The following TENM4 variants were observed in gnomAD, a reference collection of about 807,000 sequenced individuals.
TENM4 encodes teneurin-4.
TENM4 carries 82 observed loss-of-function variants against 243.3 expected under a neutral mutation model. The ratio of observed to expected loss-of-function variants is 0.34; its 90% CI spans 0.28 to 0.40. TENM4 has a LOEUF of 0.40. Ranked by LOEUF, TENM4 falls within the 10% of genes least tolerant of loss-of-function variation. TENM4 has a pLI of 1.00. For missense variants in TENM4, 3,138 were observed against 3,673.3 expected (o/e 0.85, Z 3.77); for synonymous variants, 1,412 against 1,456.3 (o/e 0.97, Z 0.69).
chr11:79,369,659 C>G (rs1262895043), intron 1 of TENM4, among the ~76,000 whole-genome samples: 1 of 152,182 alleles, frequency 6.6e-6, no homozygotes, highest in Admixed American at 6.5e-5. Context: ...AACTCAGGCT[C>G]ATGTCACTCA....
intron 6 of TENM4, among the ~76,000 whole-genome samples, chr11:79,059,517 A>G (rs1409620011): frequency 6.6e-6 from 1 of 152,256 alleles, no homozygotes. Context: ...GACGCTTCAC[A>G]AATGCTGTAG....
chr11:79,184,798 T>C (rs2135148136), intron 3 of TENM4, among the ~76,000 whole-genome samples: 2 of 152,270 alleles, frequency 1.3e-5, no homozygotes, highest in East Asian at 3.9e-4. Context: ...GATGGACGGT[T>C]GTACAACAAT....
chr11:79,227,239 C>T (rs1864286975), intron 2 of TENM4, among the ~76,000 whole-genome samples: 1 of 152,210 alleles, frequency 6.6e-6, no homozygotes, highest in Admixed American at 6.5e-5. Flanking sequence ...GGATCTGGAA[C>T]TATCACCTCC....
At chr11:79,072,594 G>C (rs2137008256) in intron 4 of TENM4, among the ~76,000 whole-genome samples, 1 of 152,194 alleles carries the variant, frequency 6.6e-6, no homozygotes, top group South Asian at 2.1e-4. Flanking sequence ...ATTCACAAAA[G>C]TTATTGCATG....
intron 4 of TENM4, among the ~76,000 whole-genome samples, chr11:79,111,416 G>C (rs1352526405): frequency 6.6e-6 from 1 of 152,096 alleles, no homozygotes; most frequent in African/African-American, 2.4e-5. Flanking sequence ...ATGATGGCGG[G>C]CACCTGTAGT....
intron 2 of TENM4, among the ~76,000 whole-genome samples, chr11:79,292,654 T>G (rs1245287899): frequency 6.6e-6 from 1 of 152,234 alleles, no homozygotes; most frequent in Non-Finnish European, 1.5e-5. Flanking sequence ...CAGGAACACC[T>G]GCAGGAGGCC....
chr11:79,076,845 A>C (rs376455690), intron 4 of TENM4, among the ~76,000 whole-genome samples: 4 of 152,210 alleles, frequency 2.6e-5, no homozygotes, highest in East Asian at 3.9e-4. Flanking sequence ...ATTATTTCAA[A>C]TCCCTATAAT....
chr11:79,010,334 A>G (rs1051635672), intron 6 of TENM4, among the ~76,000 whole-genome samples: 1 of 152,114 alleles, frequency 6.6e-6, no homozygotes, highest in Non-Finnish European at 1.5e-5. Flanking sequence ...CAGTGTAAGT[A>G]CTCTGAGGAA....
intron 7 of TENM4, among the ~76,000 whole-genome samples, chr11:78,892,911 G>A (rs948590369): frequency 6.6e-6 from 1 of 152,184 alleles, no homozygotes; most frequent in Non-Finnish European, 1.5e-5. Context: ...GTCTCTCTCT[G>A]CACAGCTTTG....
chr11:78,713,438 AAC>A (rs1859446988), intron 25 of TENM4, among the ~76,000 whole-genome samples: 1 of 152,378 alleles, frequency 6.6e-6, no homozygotes, highest in Non-Finnish European at 1.5e-5. Context: ...AGGCTGTGCC[AAC>A]AGAGAGAGAA....
Position 78,670,009 on chromosome 11 carries a change from A to G in TENM4, c.6336T>C (p.Asp2112=), listed in dbSNP as rs771982057. The G allele has an allele frequency of 3.7e-6, 6 of 1,613,900 alleles. No individual in the cohort carries two copies. The South Asian group carries it at 6.6e-5, about 18-fold the overall frequency. Residue 2112 remains aspartate, a synonymous_variant, in exon 32 of 34, where the codon GAT becomes GAC. Transcript: ENST00000278550. The part of the protein sequence containing the change: ...PLPIDLYRYD[D]VSGKTEQFGK... ...CAAACTGCTCTGTCTTGCCTGACAC[A>G]TCATCATAGCGATAGAGATCAATGG...
chr11:79,192,242 G>A (rs535980502), intron 3 of TENM4, among the ~76,000 whole-genome samples: 7 of 152,222 alleles, frequency 4.6e-5, no homozygotes, highest in South Asian at 2.1e-4. Flanking sequence ...CCCTCTGCCC[G>A]GCCACCACCC....
intron 1 of TENM4, among the ~76,000 whole-genome samples, chr11:79,315,186 A>AACCAC (rs1298464021): frequency 1.3e-5 from 2 of 152,142 alleles, no homozygotes; most frequent in Non-Finnish European, 2.9e-5. Context: ...GAGCTGCAGT[A>AACCAC]AGTCACCAGG....
intron 8 of TENM4, among the ~76,000 whole-genome samples, chr11:78,890,366 A>C (rs1246333961): frequency 1.3e-5 from 2 of 152,180 alleles, no homozygotes; most frequent in African/African-American, 4.8e-5. Context: ...TTGGGGAATA[A>C]ACTTCCTATT....
At chr11:79,004,960 A>AAAAAAAAAAAC (rs2136720809) in intron 6 of TENM4, among the ~76,000 whole-genome samples, 3 of 134,102 alleles carry the variant, frequency 2.2e-5, no homozygotes, top group South Asian at 2.6e-4. Flanking sequence ...AAAAAAAAAA[A>AAAAAAAAAAAC]ACAACTCTGA....
chr11:79,207,269 A>G (rs10501435), intron 3 of TENM4, among the ~76,000 whole-genome samples: 41,505 of 152,190 alleles, frequency 0.27, 5,991 homozygotes, highest in African/African-American at 0.36. Context: ...AAGCACTGCT[A>G]TGAAAGCTAC....
intron 4 of TENM4, among the ~76,000 whole-genome samples, chr11:79,147,780 G>A (rs1862420443): frequency 6.6e-6 from 1 of 152,056 alleles, no homozygotes; most frequent in East Asian, 1.9e-4. Context: ...TAACAAATGA[G>A]GAAACAGATG....
chr11:78,856,155 C>G lies in TENM4; in HGVS notation c.1279G>C (p.Glu427Gln). The change falls in exon 11 of 34, where the codon GAG becomes CAG. Residue 427 changes from glutamate to glutamine, a missense_variant. By Grantham distance (29) the Glu-to-Gln change is conservative (BLOSUM62 2). Around this residue, in one of 2 missense-constraint regions of TENM4, gnomAD observed 671 missense variants for 614.1 expected, o/e 1.09. Coordinates refer to ENST00000278550, the MANE Select transcript of TENM4 (RefSeq NM_001098816.3). ...TEGKPSSFFP[E>Q]DSFIDSGEID... ...TCTCCAGAATCTATGAAACTGTCCT[C>G]TGGAAAGAAACTACTGGGCTTTCCT... The G allele has an allele frequency of 6.4e-7, 1 of 1,551,602 alleles. No homozygotes were observed. The highest frequency in any genetic ancestry group is 2.4e-5 in the East Asian group (1 of 40,912).
intron 1 of TENM4, among the ~76,000 whole-genome samples, chr11:79,339,467 G>A (rs1034978309): frequency 6.6e-6 from 1 of 152,118 alleles, no homozygotes; most frequent in Non-Finnish European, 1.5e-5. Context: ...CAGAGCCAAG[G>A]TCAAGGGCGC....
Sources: allele counts gnomAD v4.1 joint callset (sites outside exome capture counted in the v4.1 genomes callset), GRCh38; gene constraint gnomAD v4.1.1; regional missense constraint gnomAD v4.1.1; transcripts MANE v1.5; gene names NCBI Gene and HGNC (gene_info 2026-07-23, HGNC 2026-07-21).